ZNF407: variants seen among roughly 807,000 people sequenced by gnomAD.
ZNF407 encodes the protein zinc finger protein 407.
A neutral mutation model predicts 131.2 loss-of-function variants in ZNF407; 17 were observed. The observed-to-expected ratio is 0.13, with a 90% CI of 0.09 to 0.19. ZNF407 has a LOEUF of 0.19. ZNF407 is among the 10% of genes least tolerant of loss of function. ZNF407 has a pLI of 1.00. For synonymous variants in ZNF407, 1,156 were observed against 1,062.0 expected, an observed-to-expected ratio of 1.09 and a Z score of -1.72; for missense variants, 2,681 against 2,830.6, an observed-to-expected ratio of 0.95 and a Z score of 1.20.
chr18:75,045,495 G>A (rs1408554687), intron 8 of ZNF407, among the ~76,000 whole-genome samples: 1 of 152,164 alleles, frequency 6.6e-6, no homozygotes, highest in Non-Finnish European at 1.5e-5. Context: ...TGTGGCTAAA[G>A]TTTCGTGAAA....
intron 4 of ZNF407, among the ~76,000 whole-genome samples, chr18:74,862,297 G>C (rs1213783161): frequency 1.3e-5 from 2 of 152,204 alleles, no homozygotes; most frequent in Non-Finnish European, 2.9e-5. Flanking sequence ...CAGGAAAGCT[G>C]GCTGCACGTT....
chr18:74,980,558 C>T (rs897571837), intron 8 of ZNF407, among the ~76,000 whole-genome samples: 3 of 152,120 alleles, frequency 2.0e-5, no homozygotes, highest in Non-Finnish European at 2.9e-5. Flanking sequence ...CCACCCGCCT[C>T]GGCCTCCTAA....
intron 3 of ZNF407, among the ~76,000 whole-genome samples, chr18:74,651,991 C>G (rs1985248009): frequency 6.6e-6 from 1 of 152,062 alleles, no homozygotes; most frequent in African/African-American, 2.4e-5. Context: ...TCACAGAGCC[C>G]TTAATCTCTC....
At chr18:74,894,671 T>C (rs1047940381) in intron 7 of ZNF407, among the ~76,000 whole-genome samples, 3 of 152,132 alleles carry the variant, frequency 2.0e-5, no homozygotes, top group African/African-American at 7.2e-5. Flanking sequence ...AATAAATGCA[T>C]ATTAAACAGT....
intron 3 of ZNF407, among the ~76,000 whole-genome samples, chr18:74,720,371 A>G (rs563415167): frequency 1.1e-4 from 17 of 148,316 alleles, no homozygotes; most frequent in African/African-American, 4.2e-4. Context: ...TGCTATTGAG[A>G]TGTTTGAATT....
intron 8 of ZNF407, among the ~76,000 whole-genome samples, chr18:75,015,241 C>G (rs1407595746): frequency 6.6e-6 from 1 of 151,836 alleles, no homozygotes; most frequent in Non-Finnish European, 1.5e-5. Flanking sequence ...AAATTGGACC[C>G]AACAGTTATT....
chr18:74,748,150 TC>T (rs1968714325), intron 3 of ZNF407, among the ~76,000 whole-genome samples: 1 of 152,260 alleles, frequency 6.6e-6, no homozygotes, highest in African/African-American at 2.4e-5. Context: ...AAGTTTCTTT[TC>T]CCAGGTTAAG....
intron 1 of ZNF407, among the ~76,000 whole-genome samples, chr18:74,630,557 C>T (rs958680117): frequency 6.6e-6 from 1 of 152,112 alleles, no homozygotes; most frequent in Non-Finnish European, 1.5e-5. Flanking sequence ...CACTTCTAGA[C>T]TTGCATCACA....
At chr18:74,877,534 T>G (rs1010889357) in intron 5 of ZNF407, among the ~76,000 whole-genome samples, 171 bp downstream of exon 5, 35 of 152,248 alleles carry the variant, frequency 2.3e-4, no homozygotes, top group Non-Finnish European at 2.1e-4. Context: ...TCATTATTTT[T>G]CAGTGAGAAG....
chr18:74,728,347 C>T (rs911651611), intron 3 of ZNF407, among the ~76,000 whole-genome samples: 6 of 152,070 alleles, frequency 3.9e-5, no homozygotes, highest in Non-Finnish European at 8.8e-5. Context: ...TAGGTTTGGG[C>T]TATTTGATGA....
At chr18:75,023,878 T>C (rs1355132055) in intron 8 of ZNF407, among the ~76,000 whole-genome samples, 1 of 152,230 alleles carries the variant, frequency 6.6e-6, no homozygotes, top group Non-Finnish European at 1.5e-5. Flanking sequence ...AGTTCAGTTA[T>C]TTACCATTGT....
At chr18:74,895,476 A>T (rs768937223) in intron 7 of ZNF407, among the ~76,000 whole-genome samples, 72 of 152,134 alleles carry the variant, frequency 4.7e-4, no homozygotes, top group Non-Finnish European at 6.2e-4. Flanking sequence ...TTTGCCAAAC[A>T]TACTTTTAAT....
chr18:74,650,466 G>A (rs888188323), intron 3 of ZNF407, among the ~76,000 whole-genome samples: 4 of 152,154 alleles, frequency 2.6e-5, no homozygotes, highest in Non-Finnish European at 5.9e-5. Context: ...TGAGAGAAAC[G>A]GAGCACCTTT....
chr18:74,912,646 T>C (rs1971690332), intron 7 of ZNF407, among the ~76,000 whole-genome samples: 1 of 152,220 alleles, frequency 6.6e-6, no homozygotes, highest in Non-Finnish European at 1.5e-5. Context: ...TTTAATGTGA[T>C]ATAACGCAAC....
Position 74,633,328 on chromosome 18 carries a change from G to T in ZNF407, c.2309G>T (p.Ser770Ile). ...ENAKKNNIGL[S>I]FEECIERVCI... is the part of the protein sequence containing the mutation. ...GCTAAGAAAAATAATATTGGCTTAA[G>T]CTTTGAAGAATGTATTGAAAGGGTA... The change falls in exon 2 of 9, where the codon AGC (serine) becomes ATC (isoleucine). Residue 770 changes from serine to isoleucine, a missense_variant. By Grantham distance (142) the Ser-to-Ile change is moderately radical. Around this residue, in one of 6 missense-constraint regions of ZNF407, gnomAD observed 1,789 missense variants for 1,748.7 expected, o/e 1.02. Coordinates refer to ENST00000299687, the MANE Select transcript of ZNF407 (RefSeq NM_017757.3). The T allele has an allele frequency of 6.2e-7, 1 of 1,613,460 alleles. No homozygotes were observed. Among genetic ancestry groups the T allele is most frequent in the Non-Finnish European group, 8.5e-7 (1 of 1,179,796 alleles).
intron 4 of ZNF407, among the ~76,000 whole-genome samples, chr18:74,797,022 G>C (rs184382084): frequency 9.9e-4 from 150 of 152,282 alleles, no homozygotes; most frequent in Middle Eastern, 3.4e-3. Flanking sequence ...GAATGGAATG[G>C]TAACTGGGGA....
rs141681936 is a variant in ZNF407, at chr18:75,034,202, G to C, written c.5429-28948G>C. On this transcript the variant is annotated intron_variant, in intron 8 of 8. Transcript: ENST00000299687. ...TGACTGATGGTTAAGCATATTCTCA[G>C]TACATTTGGTAAGTATCTATTCAAA... Among the ~76,000 whole-genome samples, 781 of 151,628 alleles carry C rather than the reference G, an allele frequency of 5.2e-3. 1 individual carries two copies. Among genetic ancestry groups the C allele is most frequent in the Non-Finnish European group, 8.1e-3 (552 of 67,950 alleles).
At chr18:75,055,262 G>A (rs1973548931) in intron 8 of ZNF407, among the ~76,000 whole-genome samples, 1 of 152,152 alleles carries the variant, frequency 6.6e-6, no homozygotes, top group East Asian at 1.9e-4. Context: ...ATTTTAAAGT[G>A]CCATCTCATC....
At chr18:74,604,869 C>T (rs905734952) in intron 1 of ZNF407, among the ~76,000 whole-genome samples, 4 of 152,202 alleles carry the variant, frequency 2.6e-5, no homozygotes, top group Admixed American at 6.5e-5. Context: ...CAAGGGCACC[C>T]GAAGCATGGT....
Sources: gnomAD v4.1 joint callset for allele counts (sites outside exome capture counted in the v4.1 genomes callset) on GRCh38, gnomAD v4.1.1 for gene constraint, gnomAD v4.1.1 regional missense constraint, MANE v1.5 for transcripts, NCBI Gene and HGNC (gene_info 2026-07-23, HGNC 2026-07-21) for gene names.